The following KCNMA1 variants were observed in gnomAD, a reference collection of about 807,000 sequenced individuals.
KCNMA1 encodes the protein Calcium-activated potassium channel subunit alpha-1.
Under a neutral mutation model 140.0 loss-of-function variants are expected in KCNMA1, and 29 were observed. The ratio of observed to expected loss-of-function variants is 0.21; its 90% CI spans 0.15 to 0.28. The LOEUF (loss-of-function observed/expected upper bound fraction) is 0.28, where lower values mean the gene tolerates loss of function less well. Ranked by LOEUF, KCNMA1 falls within the 10% of genes least tolerant of loss-of-function variation. KCNMA1 has a pLI of 1.00. For synonymous variants in KCNMA1, 612 were observed against 611.9 expected (o/e 1.00, Z 0.00); for missense variants, 880 against 1,602.2 (o/e 0.55, Z 7.70).
intron 17 of KCNMA1, chr10:77,012,581 C>T (rs574203829): frequency 6.5e-7 from 1 of 1,541,932 alleles, no homozygotes; most frequent in Admixed American, 2.0e-5. Context: ...AAAACGAAAG[C>T]CACGAGTCAG....
chr10:77,184,932 A>T lies in KCNMA1; in HGVS notation c.603-16T>A, dbSNP rs768802794. The stretch of plus-strand genomic sequence containing the variant: ...TTCTATTGGGCTATTAGACAGGAAG[A>T]AGAAAAAGCAAGAGGTAAATGACAG... On this transcript the variant is annotated splice_polypyrimidine_tract_variant and intron_variant, in intron 3 of 27. Transcript: ENST00000286628. 4 of 1,451,862 alleles carry T rather than the reference A, an allele frequency of 2.8e-6. No homozygotes were observed. The highest frequency in any genetic ancestry group is 2.9e-6 in the Non-Finnish European group (3 of 1,032,424). The allele number at this position is 1,451,862 out of a possible 1,614,324, so 89.9% of individuals were successfully genotyped here. A position where few individuals can be genotyped will look rare whatever the true frequency, so the allele number is the denominator to read the frequency against.
chr10:77,454,849 G>C (rs976317831), intron 1 of KCNMA1, among the ~76,000 whole-genome samples: 1 of 152,084 alleles, frequency 6.6e-6, no homozygotes, highest in Admixed American at 6.6e-5. Flanking sequence ...ATCCAAAAAT[G>C]GGCCCAAGTA....
intron 1 of KCNMA1, among the ~76,000 whole-genome samples, chr10:77,545,307 A>AT (rs1465461907): frequency 1.3e-5 from 2 of 152,140 alleles, no homozygotes; most frequent in African/African-American, 2.4e-5. Flanking sequence ...TCCTAATTAA[A>AT]TTTTTTCATA....
At chr10:77,309,272 TC>T (rs1762469532) in intron 2 of KCNMA1, among the ~76,000 whole-genome samples, 1 of 152,146 alleles carries the variant, frequency 6.6e-6, no homozygotes. Context: ...ACCATCTACT[TC>T]AAAGCCTCCC....
chr10:77,400,628 T>A (rs2096232444), intron 2 of KCNMA1, among the ~76,000 whole-genome samples: 1 of 152,256 alleles, frequency 6.6e-6, no homozygotes, highest in Non-Finnish European at 1.5e-5. Flanking sequence ...CAAAGCTGAA[T>A]GTTTTTAGAC....
intron 14 of KCNMA1, among the ~76,000 whole-genome samples, chr10:77,072,016 TG>T (rs1272622110): frequency 6.6e-6 from 1 of 152,206 alleles, no homozygotes; most frequent in Non-Finnish European, 1.5e-5. Context: ...TCAAGGAACT[TG>T]GCAGTCAATT....
At chr10:77,097,825 A>C (rs143861570) in intron 9 of KCNMA1, among the ~76,000 whole-genome samples, 1 of 152,310 alleles carries the variant, frequency 6.6e-6, no homozygotes, top group East Asian at 1.9e-4. Context: ...TGAATAAAGT[A>C]ATCTTCTTCT....
At chr10:77,486,772 G>A (rs2098465841) in intron 1 of KCNMA1, among the ~76,000 whole-genome samples, 1 of 152,216 alleles carries the variant, frequency 6.6e-6, no homozygotes, top group Non-Finnish European at 1.5e-5. Context: ...GTTTCTCCTG[G>A]CCCTGTGCAT....
At chr10:77,216,015 A>C (rs1444206242) in intron 3 of KCNMA1, among the ~76,000 whole-genome samples, 2 of 152,006 alleles carry the variant, frequency 1.3e-5, no homozygotes, top group Admixed American at 1.3e-4. Flanking sequence ...TGTTGCCTTG[A>C]TCTTAGACTT....
chr10:77,431,681 TAAAAAAAA>T (rs71028276), intron 1 of KCNMA1, among the ~76,000 whole-genome samples: 83 of 75,454 alleles, frequency 1.1e-3, no homozygotes, highest in African/African-American at 3.8e-3. Flanking sequence ...TGGTCTGTTG[TAAAAAAAA>T]AAAAAAAAAA....
rs1037682281 is a variant in KCNMA1 at position 76,885,142 on chromosome 10, T to C, written c.*2124A>G. 1 of 1,393,088 alleles carries C rather than the reference T, an allele frequency of 7.2e-7. No homozygotes were observed. The allele number at this position is 1,393,088 out of a possible 1,614,324, so 86.3% of individuals were successfully genotyped here. A position where few individuals can be genotyped will look rare whatever the true frequency, so the allele number is the denominator to read the frequency against. The stretch of plus-strand genomic sequence containing the variant: ...GTTCTGAGGGCGTAACTTTATAACC[T>C]CCTTTGCAAAGAATGCATGAAGAGC... On this transcript the variant is annotated 3_prime_UTR_variant, in exon 28 of 28. Coordinates refer to ENST00000286628, the MANE Select transcript of KCNMA1 (RefSeq NM_001161352.2).
chr10:77,166,185 A>G (rs2098640046), intron 5 of KCNMA1, among the ~76,000 whole-genome samples: 1 of 152,226 alleles, frequency 6.6e-6, no homozygotes, highest in Non-Finnish European at 1.5e-5. Context: ...AATATAAACA[A>G]ACAAGAAAAT....
At chr10:77,417,688 C>T (rs1371416787) in intron 1 of KCNMA1, among the ~76,000 whole-genome samples, 2 of 152,240 alleles carry the variant, frequency 1.3e-5, no homozygotes, top group Non-Finnish European at 1.5e-5. Flanking sequence ...AGGACCTAAT[C>T]CAGTCTGTGC....
chr10:77,269,500 G>A (rs1006109700), intron 2 of KCNMA1, among the ~76,000 whole-genome samples: 3 of 152,146 alleles, frequency 2.0e-5, no homozygotes, highest in African/African-American at 7.2e-5. Flanking sequence ...TTCATTCAGA[G>A]TTTTTAAAAC....
chr10:77,068,698 T>TTGTGTGTGTGTGTGTGTGTG lies in KCNMA1; in HGVS notation c.1749+4379_1749+4398dup, dbSNP rs199660003. 4.7e-4 allele frequency among the ~76,000 whole-genome samples: 62 copies of TTGTGTGTGTGTGTGTGTGTG among 132,638 alleles called. 1 individual carries two copies. Among genetic ancestry groups the TTGTGTGTGTGTGTGTGTGTG allele is most frequent in the African/African-American group, 1.4e-3 (47 of 34,352 alleles). 87.0% of individuals were successfully genotyped at this position (132,638 alleles called of 152,430 possible). A position where few individuals can be genotyped will look rare whatever the true frequency, so the allele number is the denominator to read the frequency against. On this transcript the variant is annotated intron_variant, in intron 14 of 27. Transcript: ENST00000286628. ...TGGAGAGCATACTGTGTTCCAGGTT[T>TTGTGTGTGTGTGTGTGTGTG]TGTGTGTGTGTGTGTGTGTGTGTGT... is the stretch of plus-strand genomic sequence containing the variant.
intron 25 of KCNMA1, chr10:76,904,535 A>G (rs576132049): frequency 6.7e-6 from 1 of 149,570 alleles, no homozygotes; most frequent in Non-Finnish European, 1.5e-5. Context: ...ATTTTTCCAG[A>G]TTAGGTAGGC....
intron 2 of KCNMA1, among the ~76,000 whole-genome samples, chr10:77,258,703 C>T (rs866901509): frequency 1.3e-5 from 2 of 152,218 alleles, no homozygotes; most frequent in Middle Eastern, 3.4e-3. Context: ...TGGCTCATGC[C>T]TATAATCCCA....
intron 3 of KCNMA1, among the ~76,000 whole-genome samples, chr10:77,248,211 G>A (rs139595963): frequency 2.0e-5 from 3 of 152,278 alleles, no homozygotes; most frequent in Non-Finnish European, 4.4e-5. Context: ...TTGCACAACT[G>A]GAGCTGGCCT....
At chr10:77,190,457 G>T (rs567430389) in intron 3 of KCNMA1, among the ~76,000 whole-genome samples, 196 of 152,162 alleles carry the variant, frequency 1.3e-3, no homozygotes, top group Non-Finnish European at 1.8e-3. Flanking sequence ...CTAGCCTTGT[G>T]CCATACCACT....
Sources: allele counts gnomAD v4.1 joint callset (sites outside exome capture counted in the v4.1 genomes callset), GRCh38; gene constraint gnomAD v4.1.1; transcripts MANE v1.5; gene names NCBI Gene and HGNC (gene_info 2026-07-23, HGNC 2026-07-21).